Variants in EPHA6 observed in about 807,000 individuals in gnomAD.
EPHA6 encodes EPH receptor A6.
Under a neutral mutation model 112.0 loss-of-function variants are expected in EPHA6, and 50 were observed. The observed-to-expected ratio is 0.45, with a 90% confidence interval of 0.36 to 0.56. The LOEUF (loss-of-function observed/expected upper bound fraction) is 0.56, where lower values mean the gene tolerates loss of function less well. Ranked by LOEUF, EPHA6 falls within the 20% of genes least tolerant of loss-of-function variation. The pLI, the probability that EPHA6 is intolerant of heterozygous loss-of-function variation, is 0.00. For missense variants in EPHA6, 1,280 were observed against 1,417.4 expected (o/e 0.90, Z 1.56); for synonymous variants, 529 against 490.7 (o/e 1.08, Z -1.03).
chr3:97,432,780 T>G (rs11916706), intron 6 of EPHA6, among the ~76,000 whole-genome samples: 22,746 of 152,034 alleles, frequency 0.15, 5,357 homozygotes, highest in African/African-American at 0.5. Flanking sequence ...CAGAAGCGAA[T>G]GGGTAAGAGC....
At chr3:96,898,312 G>C (rs1484749065) in intron 2 of EPHA6, among the ~76,000 whole-genome samples, 1 of 152,120 alleles carries the variant, frequency 6.6e-6, no homozygotes, top group African/African-American at 2.4e-5. Flanking sequence ...TTATTATGAG[G>C]AACCATGCTA....
In EPHA6 at chr3:97,205,823, T is replaced by G. The variant is rs370261185; in HGVS notation, c.1115-20441T>G. Among the ~76,000 whole-genome samples, 77 of 152,236 alleles carry G rather than the reference T, an allele frequency of 5.1e-4. No homozygotes were observed. The South Asian group carries it at 0.015, about 30-fold the overall frequency. On this transcript the variant is annotated intron_variant, in intron 3 of 17. Transcript: ENST00000389672. ...GTAGTTAACTTTTAATCATCGCTCA[T>G]GATGATCCAGACACCATGCTAAACA... is the stretch of plus-strand genomic sequence containing the variant.
intron 2 of EPHA6, among the ~76,000 whole-genome samples, chr3:96,981,868 G>C (rs1451170164): frequency 6.6e-6 from 1 of 152,072 alleles, no homozygotes; most frequent in African/African-American, 2.4e-5. Context: ...TTCTCTGATG[G>C]TAGTTTGCAT....
At chr3:96,937,687 C>T (rs1403326267) in intron 2 of EPHA6, among the ~76,000 whole-genome samples, 1 of 152,040 alleles carries the variant, frequency 6.6e-6, no homozygotes, top group Non-Finnish European at 1.5e-5. Context: ...TTGCCCATGC[C>T]TATGTCCTGA....
chr3:97,359,518 G>C (rs1291516843), intron 5 of EPHA6, among the ~76,000 whole-genome samples: 1 of 145,086 alleles, frequency 6.9e-6, no homozygotes, highest in Non-Finnish European at 1.5e-5. Flanking sequence ...GTTTTTGTTT[G>C]TTTGTTTAAG....
intron 1 of EPHA6, among the ~76,000 whole-genome samples, chr3:96,850,663 CA>C (rs779313774): frequency 2.0e-5 from 3 of 152,032 alleles, no homozygotes; most frequent in Non-Finnish European, 4.4e-5. Flanking sequence ...TTTCACACTG[CA>C]AGGTTTCAGG....
At chr3:97,677,585 G>T (rs762056906) in intron 14 of EPHA6, among the ~76,000 whole-genome samples, 1 of 152,124 alleles carries the variant, frequency 6.6e-6, no homozygotes, top group Non-Finnish European at 1.5e-5. Flanking sequence ...GCCAGGCATG[G>T]TGGCAGGCGC....
At chr3:97,025,356 GTC>G (rs1427900348) in intron 3 of EPHA6, among the ~76,000 whole-genome samples, 21 of 152,096 alleles carry the variant, frequency 1.4e-4, no homozygotes, top group Non-Finnish European at 2.2e-4. Flanking sequence ...AGTTTAAAAA[GTC>G]TCTGATATTA....
intron 2 of EPHA6, among the ~76,000 whole-genome samples, chr3:96,953,965 T>C (rs1485271892): frequency 6.6e-6 from 1 of 152,006 alleles, no homozygotes; most frequent in African/African-American, 2.4e-5. Context: ...CTCTGCCTGC[T>C]GCACTTAAGG....
intron 6 of EPHA6, chr3:97,439,738 T>C: frequency 8.4e-6 from 4 of 474,860 alleles, no homozygotes; most frequent in Non-Finnish European, 1.1e-5. Flanking sequence ...AGGAAAAGAA[T>C]TATATAGTTA....
chr3:97,436,037 C>G (rs934158012), intron 6 of EPHA6, among the ~76,000 whole-genome samples: 8 of 152,080 alleles, frequency 5.3e-5, no homozygotes, highest in African/African-American at 1.7e-4. Context: ...TACTTATAGT[C>G]GCTCAGTGAT....
At chr3:97,664,033 G>A (rs935175129) in intron 14 of EPHA6, among the ~76,000 whole-genome samples, 1 of 152,154 alleles carries the variant, frequency 6.6e-6, no homozygotes, top group Admixed American at 6.5e-5. Flanking sequence ...CATTCTAACT[G>A]GTGTGAGATG....
At chr3:96,936,685 T>C (rs1311804442) in intron 2 of EPHA6, among the ~76,000 whole-genome samples, 1 of 152,158 alleles carries the variant, frequency 6.6e-6, no homozygotes, top group Non-Finnish European at 1.5e-5. Context: ...CGTACACATG[T>C]GCCATGTTGG....
At chr3:96,879,239 A>G (rs1048152060) in intron 2 of EPHA6, among the ~76,000 whole-genome samples, 6 of 152,146 alleles carry the variant, frequency 3.9e-5, no homozygotes, top group Admixed American at 6.5e-5. Context: ...CGTAATTTGG[A>G]TAACATTTAT....
intron 3 of EPHA6, among the ~76,000 whole-genome samples, chr3:97,085,107 T>C (rs1351620478): frequency 6.6e-6 from 1 of 152,122 alleles, no homozygotes; most frequent in Non-Finnish European, 1.5e-5. Flanking sequence ...TTACATCAAA[T>C]AACAATTTAT....
intron 3 of EPHA6, among the ~76,000 whole-genome samples, chr3:97,142,197 A>G (rs1172919289): frequency 2.0e-5 from 3 of 152,016 alleles, no homozygotes; most frequent in Non-Finnish European, 4.4e-5. Context: ...CAATTTTTCC[A>G]AAATAGACAA....
intron 5 of EPHA6, among the ~76,000 whole-genome samples, chr3:97,307,062 T>C (rs2108740988): frequency 6.6e-6 from 1 of 151,984 alleles, no homozygotes; most frequent in East Asian, 1.9e-4. Flanking sequence ...TATAAATTTA[T>C]TCTAGTAGCC....
At chr3:97,410,453 T>C (rs1002568276) in intron 6 of EPHA6, among the ~76,000 whole-genome samples, 7 of 152,098 alleles carry the variant, frequency 4.6e-5, no homozygotes, top group African/African-American at 1.7e-4. Context: ...TTATCTTTAC[T>C]TCCAGGAAAG....
intron 14 of EPHA6, among the ~76,000 whole-genome samples, chr3:97,717,665 T>A (rs2034311524): frequency 6.6e-6 from 1 of 152,188 alleles, no homozygotes; most frequent in Admixed American, 6.5e-5. Context: ...AAAGACCCTA[T>A]CTCAAAATAT....
Sources: allele counts gnomAD v4.1 joint callset (sites outside exome capture counted in the v4.1 genomes callset), GRCh38; gene constraint gnomAD v4.1.1; transcripts MANE v1.5; gene names NCBI Gene and HGNC (gene_info 2026-07-23, HGNC 2026-07-21).